Variants in MDGA1 observed in about 807,000 individuals in gnomAD.
MDGA1 encodes MAM domain containing glycosylphosphatidylinositol anchor 1.
Under a neutral mutation model 101.5 loss-of-function variants are expected in MDGA1, and 54 were observed. That is an observed-to-expected ratio of 0.53 (90% CI 0.43 to 0.67). The LOEUF (loss-of-function observed/expected upper bound fraction) is 0.67. Among genes scored for constraint, MDGA1 ranks in the 30% least tolerant of loss-of-function variants. The pLI is 0.00. For synonymous variants in MDGA1, 533 were observed against 558.3 expected, an observed-to-expected ratio of 0.95 and a Z score of 0.64; for missense variants, 1,083 against 1,323.8, an observed-to-expected ratio of 0.82 and a Z score of 2.82.
rs925951684 is a variant in MDGA1 at position 37,696,535 on chromosome 6, T to G, written c.67+210A>C. Among the ~76,000 whole-genome samples, 25 of 152,048 alleles carry G rather than the reference T, an allele frequency of 1.6e-4. No homozygotes were observed. The highest frequency in any genetic ancestry group is 1.6e-3 in the Admixed American group (25 of 15,280). On this transcript the variant is annotated intron_variant, in intron 1 of 16. Transcript: ENST00000434837. The surrounding 1 kb of genome is among the most constrained non-coding windows in gnomAD (Gnocchi z 5.6). ...GGAAAGTGGGTGCCTCCTCCTGACA[T>G]CCCGGCTTCCCACCAGACCCTACGA...
chr6:37,671,159 T>C (rs1425846915), intron 1 of MDGA1, among the ~76,000 whole-genome samples: 7 of 152,198 alleles, frequency 4.6e-5, no homozygotes, highest in Admixed American at 2.0e-4. Context: ...TGTTCACTGA[T>C]AGTCCATCAC....
At position 37,649,255 on chromosome 6, in the gene MDGA1, C is replaced by T. The variant is rs1761300132; in HGVS notation, c.1621G>A (p.Val541Met). ...CGCACGTCCTGGGAACTGGGCTCCACCTCCGGCGGGACTGGGGGCGGGAGC... is the reference window on the plus strand; with the variant it reads ...CGCACGTCCTGGGAACTGGGCTCCATCTCCGGCGGGACTGGGGGCGGGAGC... Reference protein sequence around the residue: ...VQLNVQFPPEVEPSSQDVRQA... With the variant: ...VQLNVQFPPEMEPSSQDVRQA... Residue 541 changes from valine (V) to methionine (M), a missense_variant, in exon 9 of 17, where the codon GTG becomes ATG. This residue lies in a region of MDGA1 where 657 missense variants were observed against 771.4 expected (regional missense o/e 0.85). Transcript: ENST00000434837. 1 of 1,501,792 alleles carries T rather than the reference C, an allele frequency of 6.7e-7. No individual in the cohort carries two copies. Among genetic ancestry groups the T allele is most frequent in the Non-Finnish European group, 8.8e-7 (1 of 1,133,686 alleles). 93.0% of individuals were successfully genotyped at this position (1,501,792 alleles called of 1,614,324 possible). A position where few individuals can be genotyped will look rare whatever the true frequency, so the allele number is the denominator to read the frequency against.
chr6:37,680,999 C>CCG (rs1554136943), intron 1 of MDGA1, among the ~76,000 whole-genome samples: 1 of 150,474 alleles, frequency 6.6e-6, no homozygotes, highest in Non-Finnish European at 1.5e-5. Context: ...CTCCTCAGCC[C>CCG]CCCCCCCCCA....
intron 2 of MDGA1, among the ~76,000 whole-genome samples, chr6:37,661,667 G>C (rs1435078914): frequency 6.6e-6 from 1 of 152,238 alleles, no homozygotes; most frequent in Non-Finnish European, 1.5e-5. Flanking sequence ...TAGAGCACAG[G>C]GTGTGAGGAG....
rs756755653 is a variant in MDGA1, at chr6:37,651,977, C to T, written c.1312+34G>A. On this transcript the variant is annotated intron_variant, in intron 7 of 16. Coordinates refer to ENST00000434837, the MANE Select transcript of MDGA1 (RefSeq NM_153487.4). ...CCTGTCTGTGGGCCTCTCCACCCCCCTCACATTTCCGCAGTGCCCCTCCAG... is the reference window on the plus strand; with the variant it reads ...CCTGTCTGTGGGCCTCTCCACCCCCTTCACATTTCCGCAGTGCCCCTCCAG... 1.7e-5 allele frequency: 25 copies of T among 1,505,784 alleles called. No individual in the cohort carries two copies. The South Asian group carries it at 2.9e-4, about 18-fold the overall frequency. 93.3% of individuals were successfully genotyped at this position (1,505,784 alleles called of 1,614,324 possible). A position where few individuals can be genotyped will look rare whatever the true frequency, so the allele number is the denominator to read the frequency against.
intron 14 of MDGA1, chr6:37,639,331 T>A (rs1764009306): frequency 6.6e-6 from 1 of 152,356 alleles, no homozygotes; most frequent in Non-Finnish European, 1.5e-5. Flanking sequence ...ACCCTGGATG[T>A]ATCGGATTTG....
At chr6:37,643,985 C>T in intron 13 of MDGA1, 42 bp from the exon 14 acceptor site, 1 of 1,607,718 alleles carries the variant, frequency 6.2e-7, no homozygotes, top group Non-Finnish European at 8.5e-7. Flanking sequence ...CCCAAGACAG[C>T]CAGGCCTCTT....
chr6:37,637,640 G>A (rs1763960538), intron 16 of MDGA1, among the ~76,000 whole-genome samples, 181 bp from the exon 17 acceptor site: 2 of 152,158 alleles, frequency 1.3e-5, no homozygotes, highest in South Asian at 4.1e-4. Context: ...GTGGGGTGGG[G>A]TGGGGGTTAG....
chr6:37,665,349 A>G (rs879694797), intron 1 of MDGA1, among the ~76,000 whole-genome samples: 3 of 152,194 alleles, frequency 2.0e-5, no homozygotes, highest in Non-Finnish European at 4.4e-5. Context: ...TCCCTGCTCT[A>G]AAGAGGGGCA....
chr6:37,666,341 C>G (rs372563622), intron 1 of MDGA1, among the ~76,000 whole-genome samples: 1 of 136,300 alleles, frequency 7.3e-6, no homozygotes, highest in East Asian at 2.1e-4. Context: ...GCCTGGGCCA[C>G]AGAGGGACAC....
In MDGA1 at chr6:37,654,420, G is replaced by A. The variant is rs1453768009; in HGVS notation, c.836C>T (p.Pro279Leu). The A allele has an allele frequency of 3.1e-6, 5 of 1,614,026 alleles. No individual in the cohort carries two copies. The highest frequency in any genetic ancestry group is 3.4e-6 in the Non-Finnish European group (4 of 1,179,892). Reference protein sequence around the residue: ...PLPQLQWSHGPGPLPLGALAQ... With the variant: ...PLPQLQWSHGLGPLPLGALAQ... ...CAGAGCACCCAGGGGCAGTGGGCCA[G>A]GCCCATGGGACCACTGCAGCTGGGG... is the stretch of plus-strand genomic sequence containing the variant. The change falls in exon 6 of 17, where the codon CCT becomes CTT. Residue 279 changes from proline (P) to leucine (L), a missense_variant. By Grantham distance (98) the Pro-to-Leu change is moderately conservative. Around this residue, in one of 3 missense-constraint regions of MDGA1, gnomAD observed 116 missense variants for 196.6 expected, o/e 0.59. Transcript: ENST00000434837.
At chr6:37,689,705 G>C (rs1349709676) in intron 1 of MDGA1, among the ~76,000 whole-genome samples, 1 of 152,174 alleles carries the variant, frequency 6.6e-6, no homozygotes, top group African/African-American at 2.4e-5. Flanking sequence ...ACTTCCAGTG[G>C]CTTTTGTTCA....
chr6:37,650,553 A>C, intron 7 of MDGA1, 148 bp from the exon 8 acceptor site: 2 of 893,690 alleles, frequency 2.2e-6, no homozygotes, highest in East Asian at 2.8e-5. Flanking sequence ...AGTATTTCCA[A>C]AGCAGAACTC....
rs1764179269 is a variant in MDGA1, at chr6:37,644,537, G to T, written c.2361C>A (p.Pro787=). 1 of 1,604,542 alleles carries T rather than the reference G, an allele frequency of 6.2e-7. No homozygotes were observed. Among genetic ancestry groups the T allele is most frequent in the African/African-American group, 1.3e-5 (1 of 74,484 alleles). ...NALTQNPKRS[P]NTGPPTDISG... is the part of the protein sequence containing the mutation. The stretch of plus-strand genomic sequence containing the variant: ...TTATGTCGGTGGGGGGACCAGTGTT[G>T]GGGGAGCGTTTGGGGTTCTGGGTGA... The change falls in exon 13 of 17, where the codon CCC becomes CCA. Residue 787 remains proline (P), a synonymous_variant. Coordinates refer to ENST00000434837, the MANE Select transcript of MDGA1 (RefSeq NM_153487.4).
At chr6:37,650,513 C>A (rs935386256) in intron 7 of MDGA1, 108 bp from the exon 8 acceptor site, 12 of 1,212,652 alleles carry the variant, frequency 9.9e-6, no homozygotes, top group Non-Finnish European at 1.3e-5. Context: ...AAGCCTCTCT[C>A]TCCCATCCCA....
chr6:37,688,035 T>G (rs142410077), intron 1 of MDGA1, among the ~76,000 whole-genome samples: 1 of 152,314 alleles, frequency 6.6e-6, no homozygotes, highest in East Asian at 1.9e-4. Context: ...GCTCACAGTT[T>G]AGAAAATAAT....
chr6:37,676,757 G>T (rs1267738850), intron 1 of MDGA1, among the ~76,000 whole-genome samples: 2 of 152,096 alleles, frequency 1.3e-5, no homozygotes, highest in Non-Finnish European at 2.9e-5. Context: ...ATTAGCTGGG[G>T]GTGGTGGCTT....
At chr6:37,656,612 A>G (rs1224044781) in intron 3 of MDGA1, among the ~76,000 whole-genome samples, 1 of 152,060 alleles carries the variant, frequency 6.6e-6, no homozygotes, top group African/African-American at 2.4e-5. Flanking sequence ...GGCTCAAGCA[A>G]TCCTCCCGCC....
chr6:37,674,166 T>G (rs73415408), intron 1 of MDGA1, among the ~76,000 whole-genome samples: 9,731 of 152,162 alleles, frequency 0.064, 993 homozygotes, highest in African/African-American at 0.22. Flanking sequence ...CCTTTTCTGC[T>G]CATCAAAACC....
Sources: allele counts gnomAD v4.1 joint callset (sites outside exome capture counted in the v4.1 genomes callset), GRCh38; gene constraint gnomAD v4.1.1; regional missense constraint gnomAD v4.1.1; non-coding constraint Gnocchi (gnomAD v3.1); transcripts MANE v1.5; gene names NCBI Gene and HGNC (gene_info 2026-07-23, HGNC 2026-07-21).